C22orf31: variants seen among roughly 807,000 people sequenced by gnomAD.
C22orf31 encodes the protein chromosome 22 open reading frame 31.
C22orf31 carries 11 observed loss-of-function variants against 15.0 expected under a neutral mutation model. The observed-to-expected ratio is 0.73, with a 90% CI of 0.46 to 1.21. C22orf31 has a LOEUF of 1.21. C22orf31 is among the 50% of genes most tolerant of loss of function. The pLI, the probability that C22orf31 is intolerant of heterozygous loss-of-function variation, is 0.00. For synonymous variants in C22orf31, 132 were observed against 133.3 expected (o/e 0.99, Z 0.07); for missense variants, 340 against 347.2 (o/e 0.98, Z 0.17).
chr22:29,071,217 C>G, the C22orf31 span, among the ~76,000 whole-genome samples: 1 of 152,206 alleles, frequency 6.6e-6, no homozygotes, highest in African/African-American at 2.4e-5. Context: ...GTGGGTGCCC[C>G]TAAGTTCCAA....
At chr22:29,071,315 G>A in the C22orf31 span, among the ~76,000 whole-genome samples, 1 of 152,214 alleles carries the variant, frequency 6.6e-6, no homozygotes, top group African/African-American at 2.4e-5. Context: ...GCTGAGTCGT[G>A]TGGGTGGAGA....
chr22:29,068,705 C>T, the C22orf31 span, among the ~76,000 whole-genome samples: 20 of 149,904 alleles, frequency 1.3e-4, no homozygotes, highest in South Asian at 4.2e-4. Flanking sequence ...CCACCGTGCC[C>T]GGCAAGACCC....
chr22:29,064,204 C>T (rs1601733910), upstream of C22orf31, among the ~76,000 whole-genome samples: 1 of 152,298 alleles, frequency 6.6e-6, no homozygotes, highest in African/African-American at 2.4e-5. Flanking sequence ...CAGTTATCAC[C>T]GTGATGCCTG....
the C22orf31 span, among the ~76,000 whole-genome samples, chr22:29,071,277 A>C: frequency 7.9e-5 from 12 of 152,344 alleles, no homozygotes; most frequent in South Asian, 2.1e-4. Flanking sequence ...TGAAAACAAT[A>C]ACTGAACAAG....
chr22:29,060,021 CTTTTT>C (rs60208241), intron 2 of C22orf31: 73 of 539,904 alleles, frequency 1.4e-4, no homozygotes, highest in South Asian at 2.5e-4. Flanking sequence ...TTTTTCTTTT[CTTTTT>C]TTTTTTTTTT....
rs773861622 is a variant in C22orf31 at position 29,058,869 on chromosome 22, T to C, written c.746A>G (p.Glu249Gly). ...GATGGCACCCTGACTGCAAAGAGCC[T>C]CCCAGAGCTTTTGTTTAATGGCCTT... The part of the protein sequence containing the change: ...LGKAIKQKLW[E>G]ALCSQGAISE... The change falls in exon 3 of 3, where the codon GAG (glutamate) becomes GGG (glycine). Residue 249 changes from glutamate to glycine, a missense_variant. Transcript: ENST00000216071. 3 of 1,614,012 alleles carry C rather than the reference T, an allele frequency of 1.9e-6. No homozygotes were observed. The highest frequency in any genetic ancestry group is 2.5e-6 in the Non-Finnish European group (3 of 1,180,022).
Position 29,060,710 on chromosome 22 carries a change from C to T in C22orf31, c.137G>A (p.Cys46Tyr), listed in dbSNP as rs755064768. 2.0e-5 allele frequency: 33 copies of T among 1,614,016 alleles called. No homozygotes were observed. The Admixed American group carries it at 4.5e-4, about 22-fold the overall frequency. Residue 46 changes from cysteine to tyrosine, a missense_variant, in exon 2 of 3, where the codon TGT becomes TAT. Coordinates refer to ENST00000216071, the MANE Select transcript of C22orf31 (RefSeq NM_015370.2). ...TGGGGCATTAATGTTCTGCTTTGCA[C>T]ATGTTCTGGCCATCCAGATGTTGGT... is the stretch of plus-strand genomic sequence containing the variant. ...ALTNIWMART[C>Y]AKQNINAPAP... is the part of the protein sequence containing the mutation.
upstream of C22orf31, among the ~76,000 whole-genome samples, chr22:29,064,848 T>C (rs2037418766): frequency 6.6e-6 from 1 of 151,330 alleles, no homozygotes; most frequent in Non-Finnish European, 1.5e-5. Flanking sequence ...ATGTGAAAGT[T>C]ATTTTTTACT....
At chr22:29,063,205 C>G (rs1456942473), upstream of C22orf31, among the ~76,000 whole-genome samples, 1 of 152,068 alleles carries the variant, frequency 6.6e-6, no homozygotes, top group Admixed American at 6.5e-5. Context: ...CACTCTGTCC[C>G]CCAGGCTGGA....
In C22orf31 at chr22:29,058,764, G is replaced by A; in HGVS notation, c.851C>T (p.Pro284Leu). ...TTCCTATTTTTTGCTCTTTAACTTG[G>A]GCCATTTCTTGAGTACAGGCTCCTC... ...VHEEPVLKKW[P>L]KLKSKK The change falls in exon 3 of 3, where the codon CCC becomes CTC. Residue 284 changes from proline to leucine, a missense_variant. Transcript: ENST00000216071. 1 of 1,610,674 alleles carries A rather than the reference G, an allele frequency of 6.2e-7. No individual in the cohort carries two copies. The highest frequency in any genetic ancestry group is 8.5e-7 in the Non-Finnish European group (1 of 1,178,866).
At chr22:29,067,656 C>G in the C22orf31 span, among the ~76,000 whole-genome samples, 22,117 of 152,006 alleles carry the variant, frequency 0.15, 2,114 homozygotes, top group East Asian at 0.48. Context: ...ATTGGCCAGG[C>G]TGGACTCGAA....
the C22orf31 span, among the ~76,000 whole-genome samples, chr22:29,069,732 G>A: frequency 6.6e-6 from 1 of 152,112 alleles, no homozygotes; most frequent in Admixed American, 6.5e-5. Flanking sequence ...CTTTCAGCTG[G>A]AAAAGAGAAG....
chr22:29,060,707 G>A lies in C22orf31; in HGVS notation c.140C>T (p.Ala47Val). 6.2e-7 allele frequency: 1 copy of A among 1,614,146 alleles called. No individual in the cohort carries two copies. The highest frequency in any genetic ancestry group is 8.5e-7 in the Non-Finnish European group (1 of 1,180,048). ...LTNIWMARTCAKQNINAPAPA... is the reference protein window; with the variant it reads ...LTNIWMARTCVKQNINAPAPA... ...TGCTGGGGCATTAATGTTCTGCTTT[G>A]CACATGTTCTGGCCATCCAGATGTT... is the stretch of plus-strand genomic sequence containing the variant. Residue 47 changes from alanine (A) to valine (V), a missense_variant, in exon 2 of 3, where the codon GCA (alanine) becomes GTA (valine). Ala to Val is a moderately conservative substitution (Grantham distance 64). Coordinates refer to ENST00000216071, the MANE Select transcript of C22orf31 (RefSeq NM_015370.2).
upstream of C22orf31, among the ~76,000 whole-genome samples, chr22:29,064,609 G>A (rs1274120914): frequency 3.3e-5 from 5 of 150,610 alleles, no homozygotes; most frequent in Non-Finnish European, 7.4e-5. Context: ...GACCTCCTGG[G>A]CTCAAGCAAT....
intron 2 of C22orf31, 25 bp from the exon 3 acceptor site, chr22:29,059,207 T>G (rs2123897488): frequency 1.3e-6 from 2 of 1,540,974 alleles, no homozygotes; most frequent in East Asian, 4.5e-5. Flanking sequence ...AGCAGAGAAG[T>G]CAAAGCTAAA....
At chr22:29,060,357 C>T (rs964074362) in intron 2 of C22orf31, 58 bp downstream of exon 2, 3 of 1,472,432 alleles carry the variant, frequency 2.0e-6, no homozygotes, top group African/African-American at 2.8e-5. Context: ...TGTTCTCTGG[C>T]TTTACCTTTT....
upstream of C22orf31, among the ~76,000 whole-genome samples, chr22:29,062,904 C>G (rs760960090): frequency 2.0e-5 from 3 of 151,924 alleles, no homozygotes; most frequent in Non-Finnish European, 4.4e-5. Context: ...GAAGAGTTTG[C>G]GAATGTCTGG....
At chr22:29,062,627 G>A (rs1372550337), upstream of C22orf31, among the ~76,000 whole-genome samples, 1 of 152,080 alleles carries the variant, frequency 6.6e-6, no homozygotes, top group African/African-American at 2.4e-5. Flanking sequence ...CCAGTGAAAT[G>A]ATGGAAAAAC....
At chr22:29,064,366 G>T (rs1320777702), upstream of C22orf31, among the ~76,000 whole-genome samples, 4 of 152,144 alleles carry the variant, frequency 2.6e-5, no homozygotes, top group Non-Finnish European at 5.9e-5. Flanking sequence ...TCATACCCCT[G>T]AACCTTAATT....
Sources: allele counts gnomAD v4.1 joint callset (sites outside exome capture counted in the v4.1 genomes callset), GRCh38; gene constraint gnomAD v4.1.1; transcripts MANE v1.5; gene names NCBI Gene and HGNC (gene_info 2026-07-23, HGNC 2026-07-21).